Variants in ARHGAP26 observed in about 807,000 individuals in gnomAD.
The protein encoded by ARHGAP26 is rho GTPase-activating protein 26.
In ARHGAP26, 38 loss-of-function variants were observed where a neutral mutation model predicts 104.8. The observed-to-expected ratio is 0.36, with a 90% CI of 0.28 to 0.48. The LOEUF is 0.48. Among genes scored for constraint, ARHGAP26 ranks in the 20% least tolerant of loss-of-function variants. The pLI, the probability that ARHGAP26 is intolerant of heterozygous loss-of-function variation, is 0.99. For synonymous variants in ARHGAP26, 341 were observed against 340.0 expected (o/e 1.00, Z -0.03); for missense variants, 704 against 947.9 (o/e 0.74, Z 3.38).
chr5:142,836,258 T>C (rs756107636), intron 1 of ARHGAP26, among the ~76,000 whole-genome samples: 1 of 152,258 alleles, frequency 6.6e-6, no homozygotes, highest in South Asian at 2.1e-4. Context: ...TCACTTAATC[T>C]GTGGTTCATT....
chr5:143,144,432 G>A (rs1798921508), intron 19 of ARHGAP26, among the ~76,000 whole-genome samples: 1 of 152,040 alleles, frequency 6.6e-6, no homozygotes, highest in African/African-American at 2.4e-5. Context: ...AGGAGGCAGA[G>A]TCTTGCTCTG....
At chr5:142,811,619 G>A (rs1764089677) in intron 1 of ARHGAP26, among the ~76,000 whole-genome samples, 1 of 152,086 alleles carries the variant, frequency 6.6e-6, no homozygotes. Context: ...CCTTTGCGGA[G>A]CTTATATTCT....
chr5:143,211,712 G>A (rs1368506979), intron 21 of ARHGAP26, among the ~76,000 whole-genome samples: 4 of 151,366 alleles, frequency 2.6e-5, no homozygotes, highest in Middle Eastern at 3.4e-3. Flanking sequence ...GACTCCACAC[G>A]TGTCCCATCA....
intron 1 of ARHGAP26, among the ~76,000 whole-genome samples, chr5:142,782,641 A>T (rs1239045899): frequency 6.6e-6 from 1 of 152,196 alleles, no homozygotes; most frequent in African/African-American, 2.4e-5. Flanking sequence ...TGATGACTTG[A>T]TGTTTCATCC....
intron 20 of ARHGAP26, among the ~76,000 whole-genome samples, chr5:143,167,805 A>G (rs932199251): frequency 6.6e-6 from 1 of 152,154 alleles, no homozygotes; most frequent in Admixed American, 6.5e-5. Context: ...AGCCATTCCA[A>G]TGTGCAAAGA....
intron 20 of ARHGAP26, among the ~76,000 whole-genome samples, chr5:143,152,442 G>GC (rs1799956897): frequency 6.6e-6 from 1 of 152,184 alleles, no homozygotes; most frequent in Admixed American, 6.5e-5. Flanking sequence ...TTCTTTTGAA[G>GC]TGTCAGAAGA....
intron 1 of ARHGAP26, among the ~76,000 whole-genome samples, chr5:142,862,419 G>T (rs1052914068): frequency 6.6e-6 from 1 of 152,194 alleles, no homozygotes; most frequent in Non-Finnish European, 1.5e-5. Flanking sequence ...GCCCTAATTT[G>T]TTATTTTGAA....
chr5:142,875,069 A>T, intron 2 of ARHGAP26, 41 bp from the exon 3 acceptor site: 1 of 1,578,456 alleles, frequency 6.3e-7, no homozygotes, highest in East Asian at 2.2e-5. Context: ...CCCAAGGCCC[A>T]TGACACTCCT....
chr5:143,201,815 A>G (rs1807784623), intron 20 of ARHGAP26, among the ~76,000 whole-genome samples: 1 of 152,222 alleles, frequency 6.6e-6, no homozygotes, highest in African/African-American at 2.4e-5. Flanking sequence ...TAAAATGTGC[A>G]GTAGTATTGT....
At chr5:143,145,559 C>A (rs1667023596) in intron 19 of ARHGAP26, among the ~76,000 whole-genome samples, 4 of 152,166 alleles carry the variant, frequency 2.6e-5, no homozygotes, top group Admixed American at 2.6e-4. Context: ...ATTATGTAAT[C>A]TTAGCGTTGT....
In ARHGAP26 at chr5:143,147,699, G is replaced by A. The variant is rs536643322; in HGVS notation, c.1988+318G>A. ...AGCAATTTCTGTAAGTTTTACAAAC[G>A]TCCAGGGACTGTAGCAGCTCTGTGG... On this transcript the variant is annotated intron_variant, in intron 20 of 22. Transcript: ENST00000645722. Among the ~76,000 whole-genome samples, 4 of 152,224 alleles carry A rather than the reference G, an allele frequency of 2.6e-5. No homozygotes were observed. The South Asian group carries it at 6.2e-4, about 24-fold the overall frequency.
At chr5:142,951,724 C>T (rs1768415077) in intron 11 of ARHGAP26, among the ~76,000 whole-genome samples, 1 of 152,152 alleles carries the variant, frequency 6.6e-6, no homozygotes. Flanking sequence ...CTTAGGGAGT[C>T]CCCAGGCTGC....
In ARHGAP26 at chr5:143,089,124, C is replaced by T. The variant is rs542959998; in HGVS notation, c.1538+31377C>T. Among the ~76,000 whole-genome samples, 207 of 152,326 alleles carry T rather than the reference C, an allele frequency of 1.4e-3. 1 individual carries two copies. The highest frequency in any genetic ancestry group is 2.5e-3 in the Non-Finnish European group (169 of 68,028). On this transcript the variant is annotated intron_variant, in intron 17 of 22. Transcript: ENST00000645722. Reference sequence around the variant, plus strand: ...AAATTTAAAACTTATATCTAACAATCCCTCCTCTTGCATTTCCTTACAGCT... The same window carrying T: ...AAATTTAAAACTTATATCTAACAATTCCTCCTCTTGCATTTCCTTACAGCT...
intron 1 of ARHGAP26, among the ~76,000 whole-genome samples, chr5:142,863,278 T>G (rs988437920): frequency 3.9e-5 from 6 of 152,154 alleles, no homozygotes; most frequent in African/African-American, 1.2e-4. Flanking sequence ...GCCCAGCTAA[T>G]TTTTGTATTA....
chr5:142,981,264 T>A (rs1056772735), intron 11 of ARHGAP26, among the ~76,000 whole-genome samples: 1 of 152,204 alleles, frequency 6.6e-6, no homozygotes, highest in African/African-American at 2.4e-5. Context: ...CTTTCTAATC[T>A]TATTTCCTAA....
intron 20 of ARHGAP26, among the ~76,000 whole-genome samples, chr5:143,159,597 G>C (rs114363252): frequency 6.6e-6 from 1 of 152,094 alleles, no homozygotes; most frequent in African/African-American, 2.4e-5. Flanking sequence ...CAACATCTAG[G>C]CCCCTTCCCT....
Position 143,096,688 on chromosome 5 carries a change from T to TG in ARHGAP26, c.1539-24300_1539-24299insG, listed in dbSNP as rs575897174. Among the ~76,000 whole-genome samples, 63 of 152,266 alleles carry TG rather than the reference T, an allele frequency of 4.1e-4. 1 individual carries two copies. The South Asian group carries it at 0.013, about 31-fold the overall frequency. On this transcript the variant is annotated intron_variant, in intron 17 of 22. Transcript: ENST00000645722. ...CATTTATCAAGTAAAGCTAGGCTTTTTTTTTTTTTAATCTGTGAGTGTGTA... is the reference window on the plus strand; with the variant it reads ...CATTTATCAAGTAAAGCTAGGCTTTTGTTTTTTTTTAATCTGTGAGTGTGTA...
rs534961866 is a variant in ARHGAP26, at chr5:143,193,584, C to G, written c.1989-13614C>G. On this transcript the variant is annotated intron_variant, in intron 20 of 22. Coordinates refer to ENST00000645722, the MANE Select transcript of ARHGAP26 (RefSeq NM_001135608.3). ...TTATGTTCAAGTAACCCTTACTTTA[C>G]TTAACAGTGGCCCCAAAGTCCAAGA... Among the ~76,000 whole-genome samples, 19 of 152,192 alleles carry G rather than the reference C, an allele frequency of 1.2e-4. 1 individual carries two copies. The South Asian group carries it at 3.7e-3, about 30-fold the overall frequency.
chr5:142,868,975 A>G (rs1432925891), intron 1 of ARHGAP26: 1 of 153,544 alleles, frequency 6.5e-6, no homozygotes. Context: ...CTCTTTGTGC[A>G]TTGTGACATG....
Sources: gnomAD v4.1 joint callset for allele counts (sites outside exome capture counted in the v4.1 genomes callset) on GRCh38, gnomAD v4.1.1 for gene constraint, MANE v1.5 for transcripts, NCBI Gene and HGNC (gene_info 2026-07-23, HGNC 2026-07-21) for gene names.